ANKS1B: variants seen among roughly 807,000 people sequenced by gnomAD.
The protein encoded by ANKS1B is ankyrin repeat and sterile alpha motif domain containing 1B.
Under a neutral mutation model 148.3 loss-of-function variants are expected in ANKS1B, and 36 were observed. That is an observed-to-expected ratio of 0.24 (90% CI 0.19 to 0.32). The LOEUF is 0.32. ANKS1B is among the 10% of genes least tolerant of loss of function. The pLI is 1.00. For synonymous variants in ANKS1B, 542 were observed against 560.8 expected, an observed-to-expected ratio of 0.97 and a Z score of 0.47; for missense variants, 1,157 against 1,542.6, an observed-to-expected ratio of 0.75 and a Z score of 4.19.
At chr12:99,832,975 T>C (rs943297475) in intron 1 of ANKS1B, among the ~76,000 whole-genome samples, 1 of 152,190 alleles carries the variant, frequency 6.6e-6, no homozygotes, top group Non-Finnish European at 1.5e-5. Context: ...TCTGGAGCAT[T>C]CCAAATGCTT....
At chr12:99,765,085 T>G (rs1046042668) in intron 8 of ANKS1B, among the ~76,000 whole-genome samples, 5 of 152,114 alleles carry the variant, frequency 3.3e-5, no homozygotes, top group African/African-American at 1.2e-4. Flanking sequence ...TGGAAGACAG[T>G]AATGAAAGAC....
At chr12:99,906,876 A>C (rs1227012931) in intron 1 of ANKS1B, among the ~76,000 whole-genome samples, 1 of 152,218 alleles carries the variant, frequency 6.6e-6, no homozygotes, top group Non-Finnish European at 1.5e-5. Context: ...CCCTTCAGAA[A>C]AGTAAAGTCT....
chr12:99,576,788 A>C (rs919456800), intron 9 of ANKS1B, among the ~76,000 whole-genome samples: 10 of 152,146 alleles, frequency 6.6e-5, no homozygotes, highest in Non-Finnish European at 1.0e-4. Context: ...GATTTAGTGG[A>C]TACATGTGTG....
chr12:99,599,188 T>C (rs1397810651), intron 9 of ANKS1B, among the ~76,000 whole-genome samples: 1 of 152,040 alleles, frequency 6.6e-6, no homozygotes, highest in African/African-American at 2.4e-5. Flanking sequence ...AAAGACCCTT[T>C]TTCCAAGTAA....
At chr12:99,922,904 C>G (rs1326444782) in intron 1 of ANKS1B, among the ~76,000 whole-genome samples, 1 of 151,780 alleles carries the variant, frequency 6.6e-6, no homozygotes, top group African/African-American at 2.4e-5. Flanking sequence ...CAGATGCCAC[C>G]CCTTGACCTT....
intron 22 of ANKS1B, among the ~76,000 whole-genome samples, chr12:98,783,395 C>T (rs551487786): frequency 2.0e-4 from 31 of 152,272 alleles, no homozygotes; most frequent in Non-Finnish European, 3.2e-4. Flanking sequence ...AAGAAGAGGA[C>T]GAGGCGGCCC....
At chr12:99,635,944 G>A (rs2098230934) in intron 9 of ANKS1B, among the ~76,000 whole-genome samples, 1 of 151,810 alleles carries the variant, frequency 6.6e-6, no homozygotes, top group Non-Finnish European at 1.5e-5. Flanking sequence ...AAGAAAATAA[G>A]GTAAAATATT....
chr12:99,833,180 GAAGA>G (rs773509184), intron 1 of ANKS1B, among the ~76,000 whole-genome samples: 2 of 152,122 alleles, frequency 1.3e-5, no homozygotes, highest in African/African-American at 2.4e-5. Context: ...AACTACAAAG[GAAGA>G]AAGATAGGTT....
intron 17 of ANKS1B, among the ~76,000 whole-genome samples, chr12:98,911,446 G>A (rs917967911): frequency 1.3e-5 from 2 of 152,154 alleles, no homozygotes; most frequent in African/African-American, 4.8e-5. Context: ...AATATTTACT[G>A]AGTAAAAACA....
chr12:99,507,922 T>C (rs2096728375), intron 9 of ANKS1B, among the ~76,000 whole-genome samples: 1 of 151,968 alleles, frequency 6.6e-6, no homozygotes, highest in Non-Finnish European at 1.5e-5. Context: ...CCCATGTTCA[T>C]CTTTCCAATT....
At chr12:99,127,684 ACT>A (rs923735830) in intron 15 of ANKS1B, among the ~76,000 whole-genome samples, 59 of 152,226 alleles carry the variant, frequency 3.9e-4, no homozygotes, top group African/African-American at 1.4e-3. Flanking sequence ...TTTTGGGAAA[ACT>A]CAGCCTGTTT....
At chr12:98,887,375 T>C (rs1172639577) in intron 17 of ANKS1B, among the ~76,000 whole-genome samples, 1 of 152,212 alleles carries the variant, frequency 6.6e-6, no homozygotes, top group Non-Finnish European at 1.5e-5. Flanking sequence ...TGCATTCATA[T>C]TGTCATATTT....
At position 99,466,968 on chromosome 12, in the gene ANKS1B, C is replaced by G. The variant is rs188028240; in HGVS notation, c.1439-23159G>C. ...GCCAGAATCATCCTGATACCAAAGC[C>G]TGGCAGAGACACAACCAAAAAAGAG... On this transcript the variant is annotated intron_variant, in intron 10 of 26. Coordinates refer to ENST00000683438, the MANE Select transcript of ANKS1B (RefSeq NM_001352186.2). Among the ~76,000 whole-genome samples the G allele has an allele frequency of 2.0e-5, 3 of 152,264 alleles. No individual in the cohort carries two copies. The East Asian group carries it at 5.8e-4, about 29-fold the overall frequency.
chr12:99,539,263 T>TA (rs1190387759), intron 9 of ANKS1B, among the ~76,000 whole-genome samples: 1 of 152,142 alleles, frequency 6.6e-6, no homozygotes, highest in Non-Finnish European at 1.5e-5. Flanking sequence ...CCTTATGCCT[T>TA]AAAAAATCAA....
intron 10 of ANKS1B, among the ~76,000 whole-genome samples, chr12:99,456,275 C>T (rs2095846722): frequency 6.6e-6 from 1 of 152,110 alleles, no homozygotes; most frequent in South Asian, 2.1e-4. Context: ...AACAGAAGCC[C>T]TTGAGTCCTA....
chr12:99,531,571 A>G (rs1385597762), intron 9 of ANKS1B, among the ~76,000 whole-genome samples: 1 of 152,204 alleles, frequency 6.6e-6, no homozygotes, highest in East Asian at 1.9e-4. Flanking sequence ...GTAGCATTCC[A>G]TGGTATATAT....
intron 17 of ANKS1B, among the ~76,000 whole-genome samples, chr12:98,842,610 G>T (rs2099413652): frequency 6.6e-6 from 1 of 152,150 alleles, no homozygotes; most frequent in Non-Finnish European, 1.5e-5. Flanking sequence ...TTTGAAAAAA[G>T]AATAATGCTG....
At chr12:99,489,262 G>GTATA (rs2096532790) in intron 10 of ANKS1B, among the ~76,000 whole-genome samples, 4 of 137,940 alleles carry the variant, frequency 2.9e-5, no homozygotes, top group Admixed American at 1.5e-4. Flanking sequence ...AAAAAAAAAA[G>GTATA]TACCCACAAA....
chr12:99,966,248 G>A (rs1409911625), intron 1 of ANKS1B, among the ~76,000 whole-genome samples: 4 of 152,166 alleles, frequency 2.6e-5, no homozygotes, highest in Non-Finnish European at 4.4e-5. Flanking sequence ...TGGTTAGGTC[G>A]AAGAATGTCC....
Sources: allele counts gnomAD v4.1 joint callset (sites outside exome capture counted in the v4.1 genomes callset), GRCh38; gene constraint gnomAD v4.1.1; transcripts MANE v1.5; gene names NCBI Gene and HGNC (gene_info 2026-07-23, HGNC 2026-07-21).